SETD2: variants seen among roughly 807,000 people sequenced by gnomAD.
SETD2 encodes the protein histone-lysine N-methyltransferase SETD2.
A neutral mutation model predicts 242.1 loss-of-function variants in SETD2; 31 were observed. That is an observed-to-expected ratio of 0.13 (90% CI 0.10 to 0.17). SETD2 has a LOEUF of 0.17. SETD2 is among the 10% of genes least tolerant of loss of function. The pLI is 1.00. For synonymous variants in SETD2, 1,006 were observed against 1,066.5 expected, an observed-to-expected ratio of 0.94 and a Z score of 1.11; for missense variants, 2,481 against 3,046.3, an observed-to-expected ratio of 0.81 and a Z score of 4.37.
intron 9 of SETD2, 139 bp downstream of exon 9, chr3:47,097,816 C>T (rs373560388): frequency 3.2e-5 from 23 of 726,342 alleles, no homozygotes; most frequent in Middle Eastern, 2.7e-4. Flanking sequence ...ATAGCAATTG[C>T]ATCTCTTTTC....
chr3:47,079,033 A>G (rs1192981210), intron 12 of SETD2, among the ~76,000 whole-genome samples: 3 of 152,094 alleles, frequency 2.0e-5, no homozygotes, highest in African/African-American at 7.2e-5. Flanking sequence ...TAAAAAAAAT[A>G]AGGTAAAATG....
chr3:47,091,988 G>A (rs1027769780), intron 9 of SETD2, among the ~76,000 whole-genome samples: 15 of 151,924 alleles, frequency 9.9e-5, no homozygotes, highest in Middle Eastern at 3.4e-3. Context: ...TTAAAATTAG[G>A]CATGTTATGA....
intron 9 of SETD2, among the ~76,000 whole-genome samples, chr3:47,091,289 C>T (rs1288465855): frequency 6.6e-6 from 1 of 152,124 alleles, no homozygotes; most frequent in African/African-American, 2.4e-5. Flanking sequence ...CAGAATACTG[C>T]TTTTGACAGA....
chr3:47,082,558 A>G (rs1219880136), intron 12 of SETD2, among the ~76,000 whole-genome samples: 6 of 152,202 alleles, frequency 3.9e-5, no homozygotes, highest in Admixed American at 3.9e-4. Flanking sequence ...TACTGACTTC[A>G]TAAGTAAATT....
chr3:47,042,411 A>G, intron 17 of SETD2, 150 bp downstream of exon 17: 2 of 691,254 alleles, frequency 2.9e-6, no homozygotes, highest in South Asian at 3.6e-5. Context: ...TCTAAAATAC[A>G]CTTAAGATGT....
At chr3:47,053,461 TGA>T (rs549942202) in intron 15 of SETD2, among the ~76,000 whole-genome samples, 127 of 152,318 alleles carry the variant, frequency 8.3e-4, no homozygotes, top group Non-Finnish European at 1.2e-3. Flanking sequence ...TATAACTTTG[TGA>T]GAGTAAGTCA....
intron 16 of SETD2, among the ~76,000 whole-genome samples, chr3:47,043,133 A>G (rs896579946): frequency 1.3e-5 from 2 of 152,170 alleles, no homozygotes; most frequent in Non-Finnish European, 2.9e-5. Context: ...TTGAAACCTC[A>G]AAACTATAAA....
intron 1 of SETD2, among the ~76,000 whole-genome samples, chr3:47,144,363 G>A (rs1156316278): frequency 6.6e-6 from 1 of 152,160 alleles, no homozygotes; most frequent in Non-Finnish European, 1.5e-5. Flanking sequence ...GTCCAGCCGG[G>A]TGCAGTGGCT....
intron 8 of SETD2, among the ~76,000 whole-genome samples, chr3:47,101,053 A>G (rs1418102826): frequency 2.0e-5 from 3 of 149,474 alleles, no homozygotes; most frequent in Non-Finnish European, 4.5e-5. Context: ...GTAACCAATT[A>G]TATTTAAGAG....
intron 1 of SETD2, among the ~76,000 whole-genome samples, chr3:47,153,587 CA>C (rs962851525): frequency 1.3e-5 from 2 of 151,728 alleles, no homozygotes; most frequent in Non-Finnish European, 2.9e-5. Context: ...CCTATCTCTA[CA>C]AAAAAAATTT....
At chr3:47,130,485 C>A (rs897243960) in intron 1 of SETD2, among the ~76,000 whole-genome samples, 4 of 152,076 alleles carry the variant, frequency 2.6e-5, no homozygotes, top group African/African-American at 9.7e-5. Context: ...GAAGGCAGGA[C>A]CTTTTTGAAG....
At chr3:47,152,414 T>C (rs1331033325) in intron 1 of SETD2, among the ~76,000 whole-genome samples, 4 of 152,234 alleles carry the variant, frequency 2.6e-5, no homozygotes, top group African/African-American at 9.6e-5. Context: ...CAGGTCTGTG[T>C]GTGCTCAAGG....
intron 18 of SETD2, among the ~76,000 whole-genome samples, chr3:47,034,831 G>A (rs777738105): frequency 8.5e-5 from 13 of 152,160 alleles, no homozygotes; most frequent in Non-Finnish European, 1.3e-4. Context: ...CATGGCATTT[G>A]TGCTGAATAG....
intron 12 of SETD2, among the ~76,000 whole-genome samples, chr3:47,071,044 A>G (rs1363567060): frequency 6.6e-6 from 1 of 152,074 alleles, no homozygotes; most frequent in Admixed American, 6.5e-5. Flanking sequence ...ATCATAGCTC[A>G]CTGCACCCTC....
chr3:47,100,000 GTCTT>G (rs1444915363), intron 8 of SETD2, among the ~76,000 whole-genome samples: 2 of 149,104 alleles, frequency 1.3e-5, no homozygotes, highest in African/African-American at 2.5e-5. Flanking sequence ...TCGAGACAGA[GTCTT>G]TCTCTGTGCC....
chr3:47,164,332 G>A (rs1697609759), upstream of SETD2, among the ~76,000 whole-genome samples: 1 of 151,982 alleles, frequency 6.6e-6, no homozygotes, highest in African/African-American at 2.4e-5. This position sits in a 1 kb window ranked among gnomAD's most constrained non-coding sequence, Gnocchi z 5.4. Context: ...TAAACCCCCG[G>A]CCCCAGTGAT....
intron 1 of SETD2, among the ~76,000 whole-genome samples, chr3:47,136,911 G>A (rs1055799818): frequency 3.3e-5 from 5 of 151,964 alleles, no homozygotes; most frequent in African/African-American, 7.3e-5. Context: ...CCGAGATGAC[G>A]CCACTGCACT....
intron 3 of SETD2, among the ~76,000 whole-genome samples, chr3:47,119,218 T>C (rs997158816): frequency 4.6e-5 from 7 of 152,244 alleles, no homozygotes; most frequent in Admixed American, 2.0e-4. Context: ...ATGAGAAAAT[T>C]ATCAAGGAGG....
rs776545135 is a variant in SETD2, at chr3:47,121,710, TTCC to T, written c.2923_2925del (p.Gly975del). ...CTTTCATCTAAAGAGATTTCTGGTC[TTCC>T]TCTTCTTTCAGGCAATATGGAATTC... On this transcript the variant is annotated inframe_deletion, in exon 3 of 21. Coordinates refer to ENST00000409792, the MANE Select transcript of SETD2 (RefSeq NM_014159.7). The T allele has an allele frequency of 1.2e-6, 2 of 1,614,154 alleles. No individual in the cohort carries two copies. The highest frequency in any genetic ancestry group is 2.2e-5 in the South Asian group (2 of 91,086).
Sources: gnomAD v4.1 joint callset for allele counts (sites outside exome capture counted in the v4.1 genomes callset) on GRCh38, gnomAD v4.1.1 for gene constraint, Gnocchi (gnomAD v3.1) non-coding constraint, MANE v1.5 for transcripts, NCBI Gene and HGNC (gene_info 2026-07-23, HGNC 2026-07-21) for gene names.